The following PTP4A2 variants were observed in gnomAD, a reference collection of about 807,000 sequenced individuals.
PTP4A2 encodes protein tyrosine phosphatase type IVA 2.
A neutral mutation model predicts 22.9 loss-of-function variants in PTP4A2; 2 were observed. The observed-to-expected ratio is 0.09, with a 90% CI of 0.04 to 0.27. The LOEUF (loss-of-function observed/expected upper bound fraction) is 0.27, where lower values mean the gene tolerates loss of function less well. PTP4A2 is among the 10% of genes least tolerant of loss of function. The pLI is 1.00. For missense variants in PTP4A2, 103 were observed against 205.1 expected (o/e 0.50, Z 3.04); for synonymous variants, 68 against 69.1 (o/e 0.98, Z 0.08).
intron 1 of PTP4A2, among the ~76,000 whole-genome samples, chr1:31,935,325 A>G (rs1652889451): frequency 6.6e-6 from 1 of 152,166 alleles, no homozygotes; most frequent in South Asian, 2.1e-4. Flanking sequence ...CTCCTCCCAC[A>G]TAAAAGCCTA....
chr1:31,926,956 CT>C lies in PTP4A2; in HGVS notation c.-593-7299del. Among the ~76,000 whole-genome samples the C allele has an allele frequency of 1.3e-5, 2 of 152,194 alleles. 1 individual carries two copies. Among genetic ancestry groups the C allele is most frequent in the South Asian group, 4.2e-4 (2 of 4,812 alleles). On this transcript the variant is annotated intron_variant, in intron 1 of 5. Transcript: ENST00000647444. The stretch of plus-strand genomic sequence containing the variant: ...GGGAGCATTTTAGGCAGAGGATTAA[CT>C]GCTGCAAAGGTTATGAGGTGGGGAC...
In PTP4A2 at chr1:31,919,089, G is replaced by A. The variant is rs201612998; in HGVS notation, c.-24C>T. 1.7e-5 allele frequency: 20 copies of A among 1,163,218 alleles called. No homozygotes were observed. In the African/African-American group the frequency reaches 1.8e-4, roughly 11 times the overall value. 72.1% of individuals were successfully genotyped at this position (1,163,218 alleles called of 1,614,324 possible). On this transcript the variant is annotated 5_prime_UTR_variant, in exon 2 of 6. It adds an upstream start codon to the 5' untranslated region. Transcript: ENST00000647444. ...ATTATGGCAAATAAAAAGTGTGAGCGTGCGTGTGAGTGTGATGGGGAAAGT... is the reference window on the plus strand; with the variant it reads ...ATTATGGCAAATAAAAAGTGTGAGCATGCGTGTGAGTGTGATGGGGAAAGT...
intron 1 of PTP4A2, among the ~76,000 whole-genome samples, chr1:31,930,428 G>C (rs1415079359): frequency 6.6e-6 from 1 of 152,090 alleles, no homozygotes; most frequent in African/African-American, 2.4e-5. Context: ...CAAATGTATT[G>C]AGCGTATTTA....
At chr1:31,934,520 C>G (rs1269814499) in intron 1 of PTP4A2, among the ~76,000 whole-genome samples, 1 of 152,052 alleles carries the variant, frequency 6.6e-6, no homozygotes, top group Non-Finnish European at 1.5e-5. Flanking sequence ...CACATTACAA[C>G]AAAAAGGAAA....
chr1:31,925,716 C>T (rs1184517309), intron 1 of PTP4A2, among the ~76,000 whole-genome samples: 1 of 151,066 alleles, frequency 6.6e-6, no homozygotes, highest in Non-Finnish European at 1.5e-5. Flanking sequence ...CCCAAGATCG[C>T]ACCACTGCAC....
At chr1:31,929,338 TTGAG>T (rs1366162255) in intron 1 of PTP4A2, among the ~76,000 whole-genome samples, 6 of 152,362 alleles carry the variant, frequency 3.9e-5, no homozygotes, top group East Asian at 3.9e-4. Flanking sequence ...AATCCTTATA[TTGAG>T]TATTAATCTA....
At chr1:31,925,240 A>G (rs189934211) in intron 1 of PTP4A2, among the ~76,000 whole-genome samples, 1 of 152,354 alleles carries the variant, frequency 6.6e-6, no homozygotes, top group African/African-American at 2.4e-5. Flanking sequence ...CCTTTAAAAA[A>G]AATTCTAAGG....
chr1:31,913,946 C>T lies in PTP4A2; in HGVS notation c.189+1949G>A, dbSNP rs142298915. On this transcript the variant is annotated intron_variant, in intron 3 of 5. Coordinates refer to ENST00000647444, the MANE Select transcript of PTP4A2 (RefSeq NM_080391.4). ...TTCGGAAGTTTAAATTTTATTACTA[C>T]TTTTTAAACACAGGGCTGCATTTGA... is the stretch of plus-strand genomic sequence containing the variant. The T allele has an allele frequency of 3.3e-3, 1,490 of 453,346 alleles. 7 individuals are homozygous for T. The highest frequency in any genetic ancestry group is 0.021 in the Middle Eastern group (63 of 3,030). 28.1% of individuals were successfully genotyped at this position (453,346 alleles called of 1,614,324 possible).
At chr1:31,926,949 G>C (rs1652493137) in intron 1 of PTP4A2, among the ~76,000 whole-genome samples, 1 of 152,118 alleles carries the variant, frequency 6.6e-6, no homozygotes, top group African/African-American at 2.4e-5. Flanking sequence ...TTTAGGCAGA[G>C]GATTAACTGC....
At chr1:31,918,227 G>A (rs151086089) in intron 2 of PTP4A2, among the ~76,000 whole-genome samples, 1,590 of 149,846 alleles carry the variant, frequency 0.011, 32 homozygotes, top group African/African-American at 0.037. Context: ...CCAGCCTGGC[G>A]AAGAGCGAGA....
At chr1:31,931,119 C>T (rs928465236) in intron 1 of PTP4A2, 1 of 152,244 alleles carries the variant, frequency 6.6e-6, no homozygotes, top group Non-Finnish European at 1.5e-5. Flanking sequence ...GCACATCATA[C>T]AAACACTATC....
chr1:31,931,377 G>A lies in PTP4A2; in HGVS notation c.-594+6610C>T, dbSNP rs188132608. On this transcript the variant is annotated intron_variant, in intron 1 of 5. Transcript: ENST00000647444. ...AGATAACTCTGGAGAAGCCTTGACC[G>A]GGCTGAGAATTTCAGACCAATTCAA... Among the ~76,000 whole-genome samples the A allele has an allele frequency of 2.2e-3, 338 of 152,224 alleles. 1 individual carries two copies. The South Asian group carries it at 0.023, about 11-fold the overall frequency.
At chr1:31,918,298 G>C (rs1239251416) in intron 2 of PTP4A2, among the ~76,000 whole-genome samples, 1 of 150,396 alleles carries the variant, frequency 6.6e-6, no homozygotes, top group African/African-American at 2.4e-5. Flanking sequence ...GAAGTACAAA[G>C]AGTTTTTTCT....
chr1:31,930,976 A>C (rs1464101241), intron 1 of PTP4A2: 2 of 152,226 alleles, frequency 1.3e-5, no homozygotes, highest in Non-Finnish European at 2.9e-5. Flanking sequence ...CTTCCCAATT[A>C]AAGAATGCAA....
chr1:31,931,041 A>G (rs1652704791), intron 1 of PTP4A2: 1 of 152,202 alleles, frequency 6.6e-6, no homozygotes, highest in African/African-American at 2.4e-5. Context: ...AAGGGACAAT[A>G]TGTCACCTCC....
chr1:31,931,082 T>C (rs1652706234), intron 1 of PTP4A2: 1 of 152,180 alleles, frequency 6.6e-6, no homozygotes, highest in South Asian at 2.1e-4. Flanking sequence ...ACAGCCAATC[T>C]TCAAACAAGC....
intron 1 of PTP4A2, chr1:31,933,639 C>T (rs1164669600): frequency 6.6e-6 from 1 of 152,092 alleles, no homozygotes; most frequent in East Asian, 1.9e-4. Context: ...AGGACAATCG[C>T]TTAAACCTAG....
chr1:31,911,555 T>C, intron 4 of PTP4A2, 141 bp downstream of exon 4: 1 of 751,812 alleles, frequency 1.3e-6, no homozygotes, highest in Non-Finnish European at 1.9e-6. Flanking sequence ...TACACTAGTT[T>C]TTCCTCTCAT....
Position 31,918,991 on chromosome 1 carries a change from A to C in PTP4A2, c.75T>G (p.Ala25=). The C allele has an allele frequency of 6.3e-7, 1 of 1,593,752 alleles. No homozygotes were observed. The highest frequency in any genetic ancestry group is 1.1e-5 in the South Asian group (1 of 90,662). ...TTACCTCTGTGAACTTGTTGAGAGTAGCATTGGTAGGGTTGTGAGTTATCA... is the reference window on the plus strand; with the variant it reads ...TTACCTCTGTGAACTTGTTGAGAGTCGCATTGGTAGGGTTGTGAGTTATCA... The part of the protein sequence containing the change: ...RFLITHNPTN[A]TLNKFTEELK... Residue 25 remains alanine (A), a synonymous_variant, in exon 2 of 6, where the codon GCT becomes GCG. Transcript: ENST00000647444.
Sources: allele counts gnomAD v4.1 joint callset (sites outside exome capture counted in the v4.1 genomes callset), GRCh38; gene constraint gnomAD v4.1.1; transcripts MANE v1.5; gene names NCBI Gene and HGNC (gene_info 2026-07-23, HGNC 2026-07-21).